USH2A: variants seen among roughly 807,000 people sequenced by gnomAD.
USH2A encodes Usher syndrome 2A (autosomal recessive, mild).
A neutral mutation model predicts 538.9 loss-of-function variants in USH2A; 443 were observed. The observed-to-expected ratio is 0.82, with a 90% CI of 0.76 to 0.89. USH2A has a LOEUF of 0.89. Ranked by LOEUF, USH2A falls within the 40% of genes least tolerant of loss-of-function variation. The pLI is 0.00. For missense variants in USH2A, 6,633 were observed against 6,324.8 expected (o/e 1.05, Z -1.65); for synonymous variants, 2,413 against 2,273.5 (o/e 1.06, Z -1.75).
intron 36 of USH2A, 123 bp from the exon 37 acceptor site, chr1:215,965,602 G>A: frequency 1.8e-6 from 2 of 1,082,764 alleles, no homozygotes; most frequent in Non-Finnish European, 2.7e-6. Context: ...GTAGCATCTT[G>A]TATGAATACC....
intron 13 of USH2A, among the ~76,000 whole-genome samples, chr1:216,245,989 A>G (rs2036035535): frequency 6.6e-6 from 1 of 152,194 alleles, no homozygotes; most frequent in African/African-American, 2.4e-5. Context: ...TTTAGTTAAA[A>G]TCTTAAATGT....
At chr1:215,691,499 A>G (rs556099526) in intron 61 of USH2A, among the ~76,000 whole-genome samples, 1 of 152,190 alleles carries the variant, frequency 6.6e-6, no homozygotes, top group Non-Finnish European at 1.5e-5. Flanking sequence ...ATAGGTTTGC[A>G]TGAGTAACTT....
chr1:215,873,221 G>A (rs994140046), intron 43 of USH2A, among the ~76,000 whole-genome samples: 4 of 152,172 alleles, frequency 2.6e-5, no homozygotes, highest in African/African-American at 9.6e-5. Context: ...ATGGCTATGA[G>A]ATGGCATACT....
At chr1:216,073,021 A>G in intron 28 of USH2A, 52 bp from the exon 29 acceptor site, 1 of 1,612,650 alleles carries the variant, frequency 6.2e-7, no homozygotes, top group South Asian at 1.1e-5. Context: ...ATATAGATTA[A>G]TGAGGGGCTG....
At chr1:215,923,602 C>T (rs912657902) in intron 38 of USH2A, among the ~76,000 whole-genome samples, 3 of 152,008 alleles carry the variant, frequency 2.0e-5, no homozygotes, top group Non-Finnish European at 4.4e-5. Context: ...GTGATGCAGT[C>T]AACTTCACAC....
At chr1:216,268,042 C>T (rs2036509010) in intron 11 of USH2A, among the ~76,000 whole-genome samples, 2 of 152,048 alleles carry the variant, frequency 1.3e-5, no homozygotes, top group Admixed American at 6.6e-5. Context: ...ATAAATTACC[C>T]TGTGAGGTAT....
intron 3 of USH2A, among the ~76,000 whole-genome samples, chr1:216,373,817 G>A (rs1054277826): frequency 5.3e-5 from 8 of 151,734 alleles, no homozygotes; most frequent in African/African-American, 9.7e-5. Context: ...TGTTTATTGC[G>A]GCCCTATTCA....
intron 50 of USH2A, 80 bp downstream of exon 50, chr1:215,798,822 ATTTGT>A (rs1436075294): frequency 6.8e-7 from 1 of 1,479,724 alleles, no homozygotes; most frequent in African/African-American, 1.4e-5. Context: ...TTAATTACTT[ATTTGT>A]TTTATTTCTA....
At chr1:215,645,605 G>A (rs1656818916) in intron 67 of USH2A, among the ~76,000 whole-genome samples, 1 of 152,168 alleles carries the variant, frequency 6.6e-6, no homozygotes, top group African/African-American at 2.4e-5. Flanking sequence ...AATGTGATCT[G>A]TTACTAACAT....
chr1:216,271,382 A>G (rs954883665), intron 11 of USH2A, among the ~76,000 whole-genome samples: 2 of 152,074 alleles, frequency 1.3e-5, no homozygotes, highest in African/African-American at 4.8e-5. Context: ...GAAGGAGAGT[A>G]GTGTGAGGAG....
rs182907678 is a variant in USH2A, at chr1:215,961,878, A to G, written c.7120+3439T>C. ...TAAATTTCAGATGAACTGAATATAA[A>G]TATTTTATAAAAGAAAGCAGTAGAG... On this transcript the variant is annotated intron_variant, in intron 37 of 71. Transcript: ENST00000307340. 4.6e-4 allele frequency among the ~76,000 whole-genome samples: 70 copies of G among 152,076 alleles called. No individual in the cohort carries two copies. The East Asian group carries it at 7.9e-3, about 17-fold the overall frequency.
rs568769573 is a variant in USH2A at position 216,160,188 on chromosome 1, G to T, written c.4627+15064C>A. 9.2e-5 allele frequency among the ~76,000 whole-genome samples: 14 copies of T among 151,394 alleles called. No homozygotes were observed. The East Asian group carries it at 2.5e-3, about 27-fold the overall frequency. ...TTTCTTTTATTCAAATATTTTTTGGGTGTCATATGCTGCTTTAATTTCCTG... is the reference window on the plus strand; with the variant it reads ...TTTCTTTTATTCAAATATTTTTTGGTTGTCATATGCTGCTTTAATTTCCTG... On this transcript the variant is annotated intron_variant, in intron 21 of 71. Coordinates refer to ENST00000307340, the MANE Select transcript of USH2A (RefSeq NM_206933.4).
At chr1:215,784,360 G>T (rs1421352338) in intron 52 of USH2A, among the ~76,000 whole-genome samples, 5 of 152,236 alleles carry the variant, frequency 3.3e-5, no homozygotes, top group East Asian at 3.9e-4. Context: ...CCCTCAGATG[G>T]TCAATATGTT....
intron 3 of USH2A, among the ~76,000 whole-genome samples, chr1:216,417,372 C>T (rs577518506): frequency 2.0e-5 from 3 of 152,124 alleles, no homozygotes; most frequent in African/African-American, 4.8e-5. Context: ...TGGATGGATG[C>T]TCATATGAGA....
intron 14 of USH2A, among the ~76,000 whole-genome samples, chr1:216,220,350 A>C (rs2035431838): frequency 6.6e-6 from 1 of 150,818 alleles, no homozygotes; most frequent in African/African-American, 2.4e-5. Flanking sequence ...GGATGTAGAG[A>C]TGAATCTTAT....
chr1:216,036,454 T>C (rs1352043378), intron 32 of USH2A, among the ~76,000 whole-genome samples: 1 of 152,176 alleles, frequency 6.6e-6, no homozygotes, highest in Non-Finnish European at 1.5e-5. Flanking sequence ...TCCATGTATA[T>C]GTATCTATGT....
intron 4 of USH2A, among the ~76,000 whole-genome samples, chr1:216,347,161 A>G (rs753278323): frequency 2.0e-5 from 3 of 152,248 alleles, no homozygotes; most frequent in Admixed American, 6.5e-5. Context: ...TTTAGATTCT[A>G]GATAAGGCCT....
At chr1:216,318,719 AAAGGTACTT>A (rs148876411) in intron 9 of USH2A, among the ~76,000 whole-genome samples, 2,752 of 152,292 alleles carry the variant, frequency 0.018, 90 homozygotes, top group African/African-American at 0.061. Flanking sequence ...TTTGTTTTCA[AAAGGTACTT>A]AAGGTCTAAA....
At position 216,293,149 on chromosome 1, in the gene USH2A, C is replaced by A. The variant is rs578033582; in HGVS notation, c.1645-779G>T. On this transcript the variant is annotated intron_variant, in intron 9 of 71. Coordinates refer to ENST00000307340, the MANE Select transcript of USH2A (RefSeq NM_206933.4). Reference sequence around the variant, plus strand: ...AAGCGATTCTCCCGCCTCAGCCTCCCAAGTAGCTGAGACTACAGGCGCCCG... The same window carrying A: ...AAGCGATTCTCCCGCCTCAGCCTCCAAAGTAGCTGAGACTACAGGCGCCCG... 1.4e-3 allele frequency among the ~76,000 whole-genome samples: 210 copies of A among 152,018 alleles called. 3 individuals carry two copies. The highest frequency in any genetic ancestry group is 1.1e-3 in the Non-Finnish European group (77 of 67,950).
Sources: allele counts gnomAD v4.1 joint callset (sites outside exome capture counted in the v4.1 genomes callset), GRCh38; gene constraint gnomAD v4.1.1; transcripts MANE v1.5; gene names NCBI Gene and HGNC (gene_info 2026-07-23, HGNC 2026-07-21).